The following ARID5B variants were observed in gnomAD, a reference collection of about 807,000 sequenced individuals.
The protein encoded by ARID5B is AT-rich interaction domain 5B.
Under a neutral mutation model 97.2 loss-of-function variants are expected in ARID5B, and 13 were observed. The ratio of observed to expected loss-of-function variants is 0.13; its 90% confidence interval spans 0.09 to 0.21. The LOEUF (loss-of-function observed/expected upper bound fraction) is 0.21. ARID5B is among the 10% of genes least tolerant of loss of function. ARID5B has a pLI of 1.00. For missense variants in ARID5B, 1,210 were observed against 1,465.3 expected, an observed-to-expected ratio of 0.83 and a Z score of 2.84; for synonymous variants, 556 against 570.3, an observed-to-expected ratio of 0.97 and a Z score of 0.36.
intron 9 of ARID5B, among the ~76,000 whole-genome samples, chr10:62,087,666 T>C (rs1840309804): frequency 6.6e-6 from 1 of 152,126 alleles, no homozygotes; most frequent in Admixed American, 6.5e-5. Flanking sequence ...AGAGGCTCCA[T>C]AATTAAACAC....
At chr10:61,929,814 C>T (rs370306684) in intron 2 of ARID5B, among the ~76,000 whole-genome samples, 8 of 152,248 alleles carry the variant, frequency 5.3e-5, no homozygotes, top group Non-Finnish European at 7.4e-5. Context: ...AGAAAAAGGA[C>T]GCCTTTATTC....
chr10:62,044,583 A>G (rs1162639416), intron 4 of ARID5B, among the ~76,000 whole-genome samples: 1 of 152,018 alleles, frequency 6.6e-6, no homozygotes, highest in Admixed American at 6.6e-5. Flanking sequence ...ACATTGCCCA[A>G]GCTGGTCTCA....
At chr10:62,004,432 A>G (rs1354698701) in intron 4 of ARID5B, among the ~76,000 whole-genome samples, 1 of 152,176 alleles carries the variant, frequency 6.6e-6, no homozygotes, top group Non-Finnish European at 1.5e-5. Flanking sequence ...CATTATGAAA[A>G]CTCATTGTAT....
intron 4 of ARID5B, among the ~76,000 whole-genome samples, chr10:62,021,380 G>C (rs1056177184): frequency 6.6e-6 from 1 of 152,132 alleles, no homozygotes; most frequent in African/African-American, 2.4e-5. Flanking sequence ...TCTTTAAAAT[G>C]TGTATATTTC....
rs190877325 is a variant in ARID5B at position 61,917,930 on chromosome 10, G to A, written c.276+15517G>A. Reference sequence around the variant, plus strand: ...TGCATGAGTGTGAAGGTGACCTGTAGCCATCCTGGAAGGTGTCCTGGAGAA... The same window carrying A: ...TGCATGAGTGTGAAGGTGACCTGTAACCATCCTGGAAGGTGTCCTGGAGAA... On this transcript the variant is annotated intron_variant, in intron 2 of 9. Coordinates refer to ENST00000279873, the MANE Select transcript of ARID5B (RefSeq NM_032199.3). Among the ~76,000 whole-genome samples the A allele has an allele frequency of 4.3e-4, 65 of 152,288 alleles. 1 individual carries two copies. Among genetic ancestry groups the A allele is most frequent in the African/African-American group, 1.5e-3 (63 of 41,548 alleles).
chr10:62,062,849 G>A lies in ARID5B; in HGVS notation c.1101+3554G>A, dbSNP rs544668553. Reference sequence around the variant, plus strand: ...GTTCATAGCCTCATTTTACAAGCGAGAAAACTGAGGCACTGGGAGATGAAA... The same window carrying A: ...GTTCATAGCCTCATTTTACAAGCGAAAAAACTGAGGCACTGGGAGATGAAA... On this transcript the variant is annotated intron_variant, in intron 7 of 9. Coordinates refer to ENST00000279873, the MANE Select transcript of ARID5B (RefSeq NM_032199.3). Among the ~76,000 whole-genome samples, 25 of 147,300 alleles carry A rather than the reference G, an allele frequency of 1.7e-4. 1 individual carries two copies. In the South Asian group the frequency reaches 5.4e-3, roughly 32 times the overall value.
chr10:61,959,409 T>G (rs1179770364), intron 3 of ARID5B, among the ~76,000 whole-genome samples: 2 of 152,154 alleles, frequency 1.3e-5, no homozygotes, highest in Admixed American at 1.3e-4. Context: ...GTTCAGTGTT[T>G]GGCAGGAGAT....
intron 4 of ARID5B, among the ~76,000 whole-genome samples, chr10:62,048,924 TTTTG>T (rs1326312976): frequency 5.3e-5 from 8 of 152,194 alleles, no homozygotes; most frequent in Non-Finnish European, 1.2e-4. Flanking sequence ...CTACCCCAAG[TTTTG>T]TTTGTCAGCT....
chr10:62,078,812 C>T (rs947198851), intron 8 of ARID5B, among the ~76,000 whole-genome samples: 5 of 152,152 alleles, frequency 3.3e-5, no homozygotes, highest in African/African-American at 7.2e-5. Context: ...ATTAGGGAGA[C>T]CATGGGAAGC....
At chr10:61,970,826 C>T (rs538273163) in intron 3 of ARID5B, among the ~76,000 whole-genome samples, 1 of 152,304 alleles carries the variant, frequency 6.6e-6, no homozygotes, top group Non-Finnish European at 1.5e-5. Flanking sequence ...ATATGAAATA[C>T]TAATCTCTGA....
chr10:61,966,013 T>C (rs1838539751), intron 3 of ARID5B, among the ~76,000 whole-genome samples: 1 of 152,238 alleles, frequency 6.6e-6, no homozygotes. Flanking sequence ...TAAAATGTTT[T>C]TCCCCATTAC....
At chr10:62,007,013 C>A (rs143364909) in intron 4 of ARID5B, among the ~76,000 whole-genome samples, 45 of 152,138 alleles carry the variant, frequency 3.0e-4, no homozygotes, top group Middle Eastern at 3.4e-3. Flanking sequence ...AAGTTATATC[C>A]CATTACATTA....
At chr10:61,919,245 A>G (rs1164423474) in intron 2 of ARID5B, among the ~76,000 whole-genome samples, 2 of 152,162 alleles carry the variant, frequency 1.3e-5, no homozygotes, top group Non-Finnish European at 2.9e-5. Context: ...TGTGCAAAAC[A>G]TTGAATTCAT....
Position 62,092,244 on chromosome 10 carries a change from C to G in ARID5B, c.2781C>G (p.Ser927=). 1 of 1,609,124 alleles carries G rather than the reference C, an allele frequency of 6.2e-7. No individual in the cohort carries two copies. The highest frequency in any genetic ancestry group is 1.1e-5 in the South Asian group (1 of 90,154). ...PTGKVLGLAH[S]TTGPQESKGI... The stretch of plus-strand genomic sequence containing the variant: ...GCAAGGTCCTGGGCCTGGCTCATTC[C>G]ACCACAGGGCCCCAGGAGAGCAAAG... The change falls in exon 10 of 10, where the codon TCC becomes TCG. Residue 927 remains serine, a synonymous_variant. Transcript: ENST00000279873.
At position 61,902,215 on chromosome 10, in the gene ARID5B, A is replaced by C. The variant is rs1272298687; in HGVS notation, c.78A>C (p.Gln26His). The C allele has an allele frequency of 3.7e-6, 6 of 1,613,702 alleles. No individual in the cohort carries two copies. The highest frequency in any genetic ancestry group is 1.7e-5 in the Admixed American group (1 of 59,988). ...CTTACATTTTCTACAAGGCTTTTCAATTCCACCTTGAAGGCAAACCAAGAA... is the reference window on the plus strand; with the variant it reads ...CTTACATTTTCTACAAGGCTTTTCACTTCCACCTTGAAGGCAAACCAAGAA... ...HGPYIFYKAF[Q>H]FHLEGKPRIL... Residue 26 changes from glutamine to histidine, a missense_variant, in exon 2 of 10, where the codon CAA (glutamine) becomes CAC (histidine). Around this residue, in one of 8 missense-constraint regions of ARID5B, gnomAD observed 80 missense variants for 133.2 expected, o/e 0.60. Transcript: ENST00000279873.
At chr10:61,966,644 G>T (rs1161777760) in intron 3 of ARID5B, among the ~76,000 whole-genome samples, 1 of 152,012 alleles carries the variant, frequency 6.6e-6, no homozygotes, top group African/African-American at 2.4e-5. Flanking sequence ...CCCATAAGAT[G>T]AGGGTATAAA....
intron 9 of ARID5B, among the ~76,000 whole-genome samples, chr10:62,086,690 CAAAAA>C (rs747189859): frequency 4.2e-5 from 1 of 23,792 alleles, no homozygotes; most frequent in Non-Finnish European, 1.4e-4. Context: ...GACTCCATCT[CAAAAA>C]AAAAAAAAAA....
chr10:61,961,144 A>G (rs1241333674), intron 3 of ARID5B, among the ~76,000 whole-genome samples: 1 of 152,232 alleles, frequency 6.6e-6, no homozygotes, highest in Non-Finnish European at 1.5e-5. Context: ...TGCCATACCA[A>G]TAACACTGTT....
At chr10:62,007,566 G>A (rs1463700323) in intron 4 of ARID5B, among the ~76,000 whole-genome samples, 1 of 152,146 alleles carries the variant, frequency 6.6e-6, no homozygotes, top group Non-Finnish European at 1.5e-5. Flanking sequence ...GAGCTAATGA[G>A]TAAAAGCACT....
Sources: allele counts gnomAD v4.1 joint callset (sites outside exome capture counted in the v4.1 genomes callset), GRCh38; gene constraint gnomAD v4.1.1; regional missense constraint gnomAD v4.1.1; transcripts MANE v1.5; gene names NCBI Gene and HGNC (gene_info 2026-07-23, HGNC 2026-07-21).